NOL10: variants seen among roughly 807,000 people sequenced by gnomAD.
NOL10 encodes the protein nucleolar protein 10.
In NOL10, 58 loss-of-function variants were observed where a neutral mutation model predicts 103.5. The observed-to-expected ratio is 0.56, with a 90% confidence interval of 0.45 to 0.70. NOL10 has a LOEUF of 0.70. Among genes scored for constraint, NOL10 ranks in the 30% least tolerant of loss-of-function variants. The pLI is 0.00. For missense variants in NOL10, 763 were observed against 807.3 expected (o/e 0.95, Z 0.67); for synonymous variants, 287 against 282.5 (o/e 1.02, Z -0.16).
At chr2:10,680,755 G>A (rs767618582) in intron 3 of NOL10, among the ~76,000 whole-genome samples, 2 of 152,180 alleles carry the variant, frequency 1.3e-5, no homozygotes, top group Non-Finnish European at 2.9e-5. Context: ...AAAGAAAGTG[G>A]TTGGAAAAGG....
At chr2:10,658,356 A>G (rs932668960) in intron 10 of NOL10, among the ~76,000 whole-genome samples, 3 of 152,192 alleles carry the variant, frequency 2.0e-5, no homozygotes, top group Admixed American at 1.3e-4. Flanking sequence ...GAAGCCTGGG[A>G]AAGCTCCCCT....
intron 1 of NOL10, among the ~76,000 whole-genome samples, chr2:10,687,350 G>A (rs927230870): frequency 6.6e-6 from 1 of 152,042 alleles, no homozygotes; most frequent in Admixed American, 6.6e-5. Context: ...AGCTGACACA[G>A]GTGACCACCA....
rs35723682 is a variant in NOL10, at chr2:10,659,341, TGGGG to T, written c.678-95_678-92del. 1,392 of 249,476 alleles carry T rather than the reference TGGGG, an allele frequency of 5.6e-3. 25 individuals are homozygous for T. The highest frequency in any genetic ancestry group is 9.4e-3 in the South Asian group (373 of 39,496). 15.5% of individuals were successfully genotyped at this position (249,476 alleles called of 1,614,324 possible). ...TTATTAGTCTTCACTTCAAATCTAATGGGGGGGGGGGGGAGGAATCACATTTCTA... is the reference window on the plus strand; with the variant it reads ...TTATTAGTCTTCACTTCAAATCTAATGGGGGGGGGAGGAATCACATTTCTA... On this transcript the variant is annotated intron_variant, in intron 9 of 20. Coordinates refer to ENST00000381685, the MANE Select transcript of NOL10 (RefSeq NM_024894.4).
chr2:10,602,984 C>A, intron 15 of NOL10, 94 bp downstream of exon 15: 1 of 1,234,748 alleles, frequency 8.1e-7, no homozygotes, highest in Admixed American at 2.0e-5. Flanking sequence ...CCTACAAATC[C>A]TATGTATGAT....
At chr2:10,586,123 G>C (rs1411781209) in intron 19 of NOL10, among the ~76,000 whole-genome samples, 1 of 152,232 alleles carries the variant, frequency 6.6e-6, no homozygotes, top group Non-Finnish European at 1.5e-5. Flanking sequence ...AGATGGGGTA[G>C]GGTAAATGTG....
At chr2:10,618,237 T>G (rs1205424247) in intron 13 of NOL10, among the ~76,000 whole-genome samples, 3 of 95,942 alleles carry the variant, frequency 3.1e-5, no homozygotes, top group Non-Finnish European at 6.1e-5. Context: ...TTTAAAAAGC[T>G]GTTTTTTTAA....
intron 17 of NOL10, chr2:10,590,999 A>C (rs1043109962): frequency 3.8e-4 from 58 of 152,218 alleles, no homozygotes; most frequent in African/African-American, 1.4e-3. Flanking sequence ...GTTGAGAGTA[A>C]ACAAGATTGC....
intron 1 of NOL10, among the ~76,000 whole-genome samples, chr2:10,685,450 C>T (rs1682093420): frequency 7.1e-6 from 1 of 140,026 alleles, no homozygotes; most frequent in South Asian, 2.3e-4. Context: ...CTGAGATCTT[C>T]CCACTACACT....
At chr2:10,634,490 C>T (rs1162832301) in intron 13 of NOL10, 2 of 456,400 alleles carry the variant, frequency 4.4e-6, no homozygotes, top group African/African-American at 4.0e-5. Flanking sequence ...ACAGGATGTG[C>T]TATTAGACAT....
intron 19 of NOL10, among the ~76,000 whole-genome samples, chr2:10,583,541 C>A (rs1184788884): frequency 6.6e-6 from 1 of 152,204 alleles, no homozygotes; most frequent in Non-Finnish European, 1.5e-5. Flanking sequence ...GTGCACAAAA[C>A]CCAGCTCATT....
At chr2:10,632,218 AG>A (rs764138828) in intron 13 of NOL10, among the ~76,000 whole-genome samples, 10 of 152,180 alleles carry the variant, frequency 6.6e-5, no homozygotes, top group Non-Finnish European at 1.3e-4. Flanking sequence ...AGGATATAAC[AG>A]GGAAAAAGAC....
chr2:10,676,133 T>C (rs1681289464), intron 3 of NOL10, among the ~76,000 whole-genome samples: 1 of 152,146 alleles, frequency 6.6e-6, no homozygotes, highest in African/African-American at 2.4e-5. Flanking sequence ...AATGAAACAG[T>C]TTTGTCCACC....
chr2:10,581,583 T>G (rs888558232), intron 19 of NOL10, among the ~76,000 whole-genome samples: 11 of 152,190 alleles, frequency 7.2e-5, no homozygotes, highest in Admixed American at 2.6e-4. Flanking sequence ...TTCCAGCATT[T>G]TGGGAGGCTG....
At position 10,633,593 on chromosome 2, in the gene NOL10, G is replaced by C. The variant is rs1677985016; in HGVS notation, c.1026+10727C>G. 2.6e-5 allele frequency among the ~76,000 whole-genome samples: 4 copies of C among 151,720 alleles called. 1 individual carries two copies. Among genetic ancestry groups the C allele is most frequent in the Admixed American group, 1.3e-4 (2 of 15,228 alleles). ...ATTTGGTTTAACAGTCTGACTATTTGGTGATCTTTGTAAATAGATTAATGC... is the reference window on the plus strand; with the variant it reads ...ATTTGGTTTAACAGTCTGACTATTTCGTGATCTTTGTAAATAGATTAATGC... On this transcript the variant is annotated intron_variant, in intron 13 of 20. Coordinates refer to ENST00000381685, the MANE Select transcript of NOL10 (RefSeq NM_024894.4).
chr2:10,663,079 G>A (rs1288373597), intron 8 of NOL10, 35 bp from the exon 9 acceptor site: 6 of 1,571,872 alleles, frequency 3.8e-6, no homozygotes, highest in Non-Finnish European at 5.2e-6. Context: ...AATAAAAGCT[G>A]TAGAAGGCGG....
At chr2:10,669,611 G>T (rs1680798887) in intron 6 of NOL10, among the ~76,000 whole-genome samples, 1 of 150,700 alleles carries the variant, frequency 6.6e-6, no homozygotes, top group African/African-American at 2.4e-5. Context: ...AATAACACAG[G>T]GCTGGGCAGC....
intron 13 of NOL10, among the ~76,000 whole-genome samples, chr2:10,622,424 C>CT (rs1284812142): frequency 6.8e-6 from 1 of 146,924 alleles, no homozygotes; most frequent in Non-Finnish European, 1.5e-5. Context: ...TAATGAAGGA[C>CT]TTTTATCTTC....
intron 13 of NOL10, among the ~76,000 whole-genome samples, chr2:10,633,704 T>C (rs997832764): frequency 2.0e-5 from 3 of 152,062 alleles, no homozygotes; most frequent in African/African-American, 7.2e-5. Flanking sequence ...ATGTAAGACT[T>C]TTCAAGTTGT....
At chr2:10,663,381 A>AT (rs397711583) in intron 8 of NOL10, among the ~76,000 whole-genome samples, 1 of 151,292 alleles carries the variant, frequency 6.6e-6, no homozygotes, top group Non-Finnish European at 1.5e-5. Context: ...AAAAAAAAAA[A>AT]GCTGCTAAGA....
Sources: gnomAD v4.1 joint callset for allele counts (sites outside exome capture counted in the v4.1 genomes callset) on GRCh38, gnomAD v4.1.1 for gene constraint, MANE v1.5 for transcripts, NCBI Gene and HGNC (gene_info 2026-07-23, HGNC 2026-07-21) for gene names.